Variants in PAX2 observed in about 807,000 individuals in gnomAD.
The protein encoded by PAX2 is paired box protein Pax-2.
A neutral mutation model predicts 41.7 loss-of-function variants in PAX2; 9 were observed. The ratio of observed to expected loss-of-function variants is 0.22; its 90% confidence interval spans 0.13 to 0.38. PAX2 has a LOEUF of 0.38. Among genes scored for constraint, PAX2 ranks in the 10% least tolerant of loss-of-function variants. The pLI is 1.00. For missense variants in PAX2, 418 were observed against 531.6 expected (o/e 0.79, Z 2.10); for synonymous variants, 221 against 212.7 (o/e 1.04, Z -0.34).
intron 1 of PAX2, among the ~76,000 whole-genome samples, chr10:100,739,527 C>T (rs1157865722): frequency 6.6e-6 from 1 of 152,244 alleles, no homozygotes; most frequent in Non-Finnish European, 1.5e-5. Flanking sequence ...TCCCGCCCCT[C>T]TCCAACTCTG....
intron 7 of PAX2, 116 bp downstream of exon 7, chr10:100,809,352 A>G: frequency 9.3e-7 from 1 of 1,076,960 alleles, no homozygotes; most frequent in Non-Finnish European, 1.4e-6. Context: ...TACAGAGAGA[A>G]CGAGGCTTCT....
chr10:100,754,543 G>A (rs1845562857), intron 3 of PAX2, among the ~76,000 whole-genome samples: 1 of 152,126 alleles, frequency 6.6e-6, no homozygotes, highest in East Asian at 1.9e-4. Context: ...GGCAACCCAG[G>A]GCTGTGTTAA....
In PAX2 at chr10:100,828,625, C is replaced by A. The variant is rs542568129; in HGVS notation, c.*1006C>A. 2 of 233,070 alleles carry A rather than the reference C, an allele frequency of 8.6e-6. No homozygotes were observed. The highest frequency in any genetic ancestry group is 8.5e-6 in the Non-Finnish European group (1 of 118,040). The allele number at this position is 233,070 out of a possible 1,614,324, so 14.4% of individuals were successfully genotyped here. ...GTCTTCCTCCAGCAGTTACTTGATG[C>A]CCCCTCCCCCGACACAGACTCTCAA... On this transcript the variant is annotated 3_prime_UTR_variant, in exon 10 of 10. Transcript: ENST00000355243. The surrounding 1 kb of genome is among the most constrained non-coding windows in gnomAD (Gnocchi z 6.5).
At chr10:100,769,482 G>A (rs970121009) in intron 3 of PAX2, among the ~76,000 whole-genome samples, 10 of 151,890 alleles carry the variant, frequency 6.6e-5, no homozygotes, top group Non-Finnish European at 1.3e-4. Context: ...ACAAAAATGA[G>A]CTGGGCGTGG....
intron 5 of PAX2, among the ~76,000 whole-genome samples, chr10:100,801,192 T>C (rs1459687357): frequency 1.3e-5 from 2 of 152,104 alleles, no homozygotes; most frequent in East Asian, 3.9e-4. Context: ...AGCCAGTCAC[T>C]TGCCCTCGCT....
In PAX2 at chr10:100,824,559, A is replaced by C. The variant is rs952714825; in HGVS notation, c.920-89A>C. Reference sequence around the variant, plus strand: ...TCTGCACAGAGCTCTTTCCTCTCCAAGAGTTTCCTCTCCGTGCAGTACCCT... The same window carrying C: ...TCTGCACAGAGCTCTTTCCTCTCCACGAGTTTCCTCTCCGTGCAGTACCCT... On this transcript the variant is annotated intron_variant, in intron 7 of 9. Coordinates refer to ENST00000355243, the MANE Select transcript of PAX2 (RefSeq NM_000278.5). The surrounding 1 kb of genome is among the most constrained non-coding windows in gnomAD (Gnocchi z 6.6). The C allele has an allele frequency of 2.1e-6, 2 of 942,938 alleles. No homozygotes were observed. The highest frequency in any genetic ancestry group is 3.2e-5 in the African/African-American group (2 of 62,204). 58.4% of individuals were successfully genotyped at this position (942,938 alleles called of 1,614,324 possible). A position where few individuals can be genotyped will look rare whatever the true frequency, so the allele number is the denominator to read the frequency against.
At chr10:100,806,627 T>A in intron 6 of PAX2, 22 bp downstream of exon 6, 4 of 1,610,306 alleles carry the variant, frequency 2.5e-6, no homozygotes, top group Non-Finnish European at 3.4e-6. Context: ...GCTTTCTGCT[T>A]GCAGAAGTAG....
chr10:100,792,427 A>G (rs184856414), intron 5 of PAX2, among the ~76,000 whole-genome samples: 16 of 152,304 alleles, frequency 1.1e-4, no homozygotes, highest in African/African-American at 2.6e-4. Flanking sequence ...GCTTGCCCCT[A>G]TGGCTTCTGC....
chr10:100,807,061 G>C (rs1847815050), intron 6 of PAX2, among the ~76,000 whole-genome samples: 1 of 152,036 alleles, frequency 6.6e-6, no homozygotes, highest in Admixed American at 6.5e-5. Flanking sequence ...TGTCAGGAGA[G>C]CCTGCCTGTG....
chr10:100,756,666 G>A (rs1226643904), intron 3 of PAX2, among the ~76,000 whole-genome samples: 9 of 152,136 alleles, frequency 5.9e-5, no homozygotes, highest in Non-Finnish European at 2.9e-5. Context: ...TCAACTTATC[G>A]AGCCATTACC....
At chr10:100,782,298 C>T (rs944087367) in intron 5 of PAX2, among the ~76,000 whole-genome samples, 2 of 152,208 alleles carry the variant, frequency 1.3e-5, no homozygotes, top group African/African-American at 4.8e-5. Flanking sequence ...ACCATCTATC[C>T]CATTAGCCCA....
intron 5 of PAX2, among the ~76,000 whole-genome samples, chr10:100,795,328 A>G (rs1847282839): frequency 6.6e-6 from 1 of 152,230 alleles, no homozygotes; most frequent in Admixed American, 6.5e-5. Flanking sequence ...GAAACTTACA[A>G]TCTAGCAGGG....
chr10:100,788,868 A>AC lies in PAX2; in HGVS notation c.616+7511dup, dbSNP rs139379058. 8.6e-3 allele frequency among the ~76,000 whole-genome samples: 1,268 copies of AC among 148,190 alleles called. 11 individuals carry two copies. The highest frequency in any genetic ancestry group is 0.011 in the Non-Finnish European group (744 of 67,026). ...CCACCTAATTCTTGCATGCACACAC[A>AC]CCCCCCCCGACACACATACATGCAC... On this transcript the variant is annotated intron_variant, in intron 5 of 9. Transcript: ENST00000355243.
chr10:100,743,113 G>A (rs12244735), upstream of PAX2, among the ~76,000 whole-genome samples: 7,502 of 151,872 alleles, frequency 0.049, 627 homozygotes, highest in African/African-American at 0.17. Flanking sequence ...GCCAGGAGCC[G>A]GCCTGGCGGA....
chr10:100,735,874 G>A, intron 1 of PAX2: 1 of 484,738 alleles, frequency 2.1e-6, no homozygotes, highest in South Asian at 9.1e-5. Context: ...TGGGGACTGA[G>A]GCTCTGCGGA....
chr10:100,748,472 C>T lies in PAX2; in HGVS notation c.44-1274C>T. 1.0e-6 allele frequency: 1 copy of T among 985,240 alleles called. No homozygotes were observed. The highest frequency in any genetic ancestry group is 1.2e-6 in the Non-Finnish European group (1 of 829,882). The allele number at this position is 985,240 out of a possible 1,614,324, so 61.0% of individuals were successfully genotyped here. A position where few individuals can be genotyped will look rare whatever the true frequency, so the allele number is the denominator to read the frequency against. On this transcript the variant is annotated intron_variant, in intron 1 of 9. Coordinates refer to ENST00000355243, the MANE Select transcript of PAX2 (RefSeq NM_000278.5). This position sits in a 1 kb window ranked among gnomAD's most constrained non-coding sequence, Gnocchi z 5.0. ...AGAAATGAGGGGGGCACAGATGTCC[C>T]CGCTTTCTCCGAAACTCGCGTGAGG... is the stretch of plus-strand genomic sequence containing the variant.
rs1037011309 is a variant in PAX2, at chr10:100,824,452, C to G, written c.920-196C>G. Among the ~76,000 whole-genome samples the G allele has an allele frequency of 6.6e-6, 1 of 151,870 alleles. No homozygotes were observed. The highest frequency in any genetic ancestry group is 1.5e-5 in the Non-Finnish European group (1 of 67,982). ...ACAGAGATGCGTACACACAGCTGAT[C>G]ATAGACATTTAGCTTAGACACATGC... On this transcript the variant is annotated intron_variant, in intron 7 of 9. Transcript: ENST00000355243. The surrounding 1 kb of genome is among the most constrained non-coding windows in gnomAD (Gnocchi z 6.6).
At chr10:100,763,767 G>A (rs1845915929) in intron 3 of PAX2, among the ~76,000 whole-genome samples, 1 of 152,196 alleles carries the variant, frequency 6.6e-6, no homozygotes, top group Non-Finnish European at 1.5e-5. Context: ...CCTACTATGT[G>A]CTAGGCAATT....
chr10:100,803,809 C>A (rs1253323764), intron 5 of PAX2, among the ~76,000 whole-genome samples: 1 of 151,988 alleles, frequency 6.6e-6, no homozygotes, highest in African/African-American at 2.4e-5. Context: ...GCTTCCTTAG[C>A]CTTTGCCTCC....
Sources: gnomAD v4.1 joint callset for allele counts (sites outside exome capture counted in the v4.1 genomes callset) on GRCh38, gnomAD v4.1.1 for gene constraint, Gnocchi (gnomAD v3.1) non-coding constraint, MANE v1.5 for transcripts, NCBI Gene and HGNC (gene_info 2026-07-23, HGNC 2026-07-21) for gene names.